Variants in FUT8 observed in about 807,000 individuals in gnomAD.
The protein encoded by FUT8 is alpha-(1,6)-fucosyltransferase.
In FUT8, 29 loss-of-function variants were observed where a neutral mutation model predicts 71.3. The observed-to-expected ratio is 0.41, with a 90% CI of 0.30 to 0.55. The LOEUF is 0.55. Among genes scored for constraint, FUT8 ranks in the 20% least tolerant of loss-of-function variants. The probability of loss-of-function intolerance (pLI) is 0.34; values close to 1 mark genes in which losing one functional copy is unlikely to be tolerated. For missense variants in FUT8, 544 were observed against 702.1 expected (o/e 0.77, Z 2.55); for synonymous variants, 254 against 239.3 (o/e 1.06, Z -0.57).
At chr14:65,618,741 A>G (rs1889438772) in intron 5 of FUT8, among the ~76,000 whole-genome samples, 2 of 152,228 alleles carry the variant, frequency 1.3e-5, no homozygotes, top group African/African-American at 4.8e-5. Flanking sequence ...TATATGATAC[A>G]AAAGTCCATT....
chr14:65,442,165 C>T (rs956158593), intron 1 of FUT8, among the ~76,000 whole-genome samples: 4 of 151,366 alleles, frequency 2.6e-5, no homozygotes, highest in Non-Finnish European at 5.9e-5. Flanking sequence ...AAAACAGAAA[C>T]AGCTAAGGGT....
chr14:65,380,010 C>T, the FUT8 span, among the ~76,000 whole-genome samples: 1 of 152,226 alleles, frequency 6.6e-6, no homozygotes, highest in Admixed American at 6.5e-5. Context: ...GGCCCCACCT[C>T]TTAATACCAG....
In FUT8 at chr14:65,647,658, G is replaced by A. The variant is rs180863802; in HGVS notation, c.597+18052G>A. ...ATCTTCTTTCCAGCTTATAGGAAAT[G>A]AGTAATAGTTGCTCTTAAATTTTGT... is the stretch of plus-strand genomic sequence containing the variant. On this transcript the variant is annotated intron_variant, in intron 6 of 10. Coordinates refer to ENST00000673929, the MANE Select transcript of FUT8 (RefSeq NM_001371533.1). Among the ~76,000 whole-genome samples, 30 of 152,296 alleles carry A rather than the reference G, an allele frequency of 2.0e-4. No individual in the cohort carries two copies. The East Asian group carries it at 5.8e-3, about 29-fold the overall frequency.
chr14:65,403,745 T>C, the FUT8 span, among the ~76,000 whole-genome samples: 13 of 151,976 alleles, frequency 8.6e-5, no homozygotes, highest in Non-Finnish European at 1.0e-4. Context: ...TTAATTTTTT[T>C]TTTTTTTTTT....
chr14:65,374,371 G>C, the FUT8 span, among the ~76,000 whole-genome samples: 2 of 152,108 alleles, frequency 1.3e-5, no homozygotes, highest in African/African-American at 4.8e-5. Flanking sequence ...CTGGGAAAAA[G>C]GGGTTTGGAT....
At position 65,725,177 on chromosome 14, in the gene FUT8, G is replaced by A. The variant is rs532695582; in HGVS notation, c.1259+854G>A. ...GGTAAGGAATCAAAAAGTAAGTTTT[G>A]TAAGTTGAGGAATAAAGACTACTAC... On this transcript the variant is annotated intron_variant, in intron 9 of 10. Transcript: ENST00000673929. Among the ~76,000 whole-genome samples the A allele has an allele frequency of 4.4e-4, 67 of 152,306 alleles. 1 individual carries two copies. Among genetic ancestry groups the A allele is most frequent in the African/African-American group, 1.5e-3 (62 of 41,564 alleles).
intron 10 of FUT8, among the ~76,000 whole-genome samples, chr14:65,737,933 A>G (rs981907273): frequency 1.3e-5 from 2 of 152,244 alleles, no homozygotes; most frequent in East Asian, 3.9e-4. Context: ...TACGTTAACT[A>G]TTCCAGACAG....
chr14:65,528,622 A>G (rs1883700359), intron 2 of FUT8, among the ~76,000 whole-genome samples: 1 of 152,098 alleles, frequency 6.6e-6, no homozygotes, highest in East Asian at 1.9e-4. Context: ...TGCAGAAATC[A>G]CCTGTCTTCT....
intron 2 of FUT8, among the ~76,000 whole-genome samples, chr14:65,507,084 G>GT (rs2066747797): frequency 6.6e-6 from 1 of 152,156 alleles, no homozygotes; most frequent in Non-Finnish European, 1.5e-5. Context: ...ACCATTAGAG[G>GT]TAATTGACAT....
At chr14:65,474,373 C>T (rs929525674) in intron 2 of FUT8, among the ~76,000 whole-genome samples, 12 of 144,006 alleles carry the variant, frequency 8.3e-5, no homozygotes, top group African/African-American at 3.1e-4. Context: ...GAGGCTGAGG[C>T]GGGCGGATCA....
At chr14:65,457,407 G>GGATC (rs2065908456) in intron 2 of FUT8, among the ~76,000 whole-genome samples, 2 of 152,106 alleles carry the variant, frequency 1.3e-5, no homozygotes, top group Admixed American at 1.3e-4. Context: ...ATTAGAAAGG[G>GGATC]GATCTATTGG....
intron 10 of FUT8, among the ~76,000 whole-genome samples, chr14:65,740,668 G>C (rs578021758): frequency 6.6e-5 from 10 of 152,094 alleles, no homozygotes; most frequent in African/African-American, 2.4e-4. Context: ...GCAGGAGGAA[G>C]AGAATTGGGA....
chr14:65,639,041 A>G (rs1207369177), intron 6 of FUT8, among the ~76,000 whole-genome samples: 3 of 152,306 alleles, frequency 2.0e-5, no homozygotes, highest in Non-Finnish European at 4.4e-5. Context: ...AAAAGCAGGC[A>G]GTTTCTCAGA....
intron 7 of FUT8, among the ~76,000 whole-genome samples, chr14:65,717,319 C>T (rs1400095950): frequency 3.6e-5 from 5 of 138,782 alleles, no homozygotes; most frequent in African/African-American, 1.1e-4. Context: ...CAGAGGCACT[C>T]CTCACCTCCC....
the FUT8 span, among the ~76,000 whole-genome samples, chr14:65,382,870 T>C: frequency 6.6e-6 from 1 of 152,196 alleles, no homozygotes; most frequent in Non-Finnish European, 1.5e-5. Flanking sequence ...TCACTTTCTA[T>C]GTGGTCCAGA....
intron 3 of FUT8, among the ~76,000 whole-genome samples, chr14:65,598,759 TA>T (rs1359420203): frequency 9.8e-5 from 15 of 152,320 alleles, no homozygotes; most frequent in Middle Eastern, 3.4e-3. Context: ...AGAAGTTAAG[TA>T]AAAATTTACA....
At chr14:65,701,519 C>G (rs971929178) in intron 7 of FUT8, among the ~76,000 whole-genome samples, 5 of 152,182 alleles carry the variant, frequency 3.3e-5, no homozygotes, top group Admixed American at 6.5e-5. Flanking sequence ...GATTCTCATT[C>G]TCTAAGGGTA....
intron 1 of FUT8, among the ~76,000 whole-genome samples, chr14:65,437,664 A>G (rs935574659): frequency 6.6e-6 from 1 of 152,246 alleles, no homozygotes; most frequent in Non-Finnish European, 1.5e-5. Flanking sequence ...GAGGTCCCAG[A>G]GTATTTTATA....
At chr14:65,663,521 GA>G (rs1459372788) in intron 6 of FUT8, among the ~76,000 whole-genome samples, 3 of 151,826 alleles carry the variant, frequency 2.0e-5, no homozygotes, top group African/African-American at 7.2e-5. Flanking sequence ...GTATTATTTG[GA>G]CAAAAAAATT....
Sources: allele counts gnomAD v4.1 joint callset (sites outside exome capture counted in the v4.1 genomes callset), GRCh38; gene constraint gnomAD v4.1.1; transcripts MANE v1.5; gene names NCBI Gene and HGNC (gene_info 2026-07-23, HGNC 2026-07-21).